The following NRG3 variants were observed in gnomAD, a reference collection of about 807,000 sequenced individuals.
NRG3 encodes pro-neuregulin-3, membrane-bound isoform.
In NRG3, 31 loss-of-function variants were observed where a neutral mutation model predicts 66.9. That is an observed-to-expected ratio of 0.46 (90% confidence interval 0.35 to 0.63). The LOEUF (loss-of-function observed/expected upper bound fraction) is 0.63. NRG3 is among the 20% of genes least tolerant of loss of function. The pLI is 0.00. For missense variants in NRG3, 910 were observed against 878.9 expected, an observed-to-expected ratio of 1.04 and a Z score of -0.45; for synonymous variants, 393 against 359.4, an observed-to-expected ratio of 1.09 and a Z score of -1.06.
chr10:82,184,389 A>G lies in NRG3; in HGVS notation c.824-174350A>G, dbSNP rs1193487581. 3.3e-5 allele frequency among the ~76,000 whole-genome samples: 5 copies of G among 152,252 alleles called. No individual in the cohort carries two copies. In the East Asian group the frequency reaches 9.7e-4, roughly 29 times the overall value. ...CAAATGGTGAGGCTAAGACCTTGAC[A>G]TGGAGGAAGGAGTCCATTTAAAAGG... On this transcript the variant is annotated intron_variant, in intron 1 of 8. Transcript: ENST00000372141.
intron 2 of NRG3, among the ~76,000 whole-genome samples, chr10:82,451,444 A>G (rs910451550): frequency 6.6e-5 from 10 of 152,184 alleles, no homozygotes; most frequent in Non-Finnish European, 1.5e-4. Flanking sequence ...GGGAGAATTC[A>G]TGTAGGTAAA....
intron 2 of NRG3, among the ~76,000 whole-genome samples, chr10:82,529,163 G>A (rs191125822): frequency 4.7e-4 from 71 of 152,320 alleles, no homozygotes; most frequent in Non-Finnish European, 7.5e-4. Flanking sequence ...TTGTAAGGTA[G>A]CAGGCAGATG....
chr10:82,637,365 GA>G (rs1346815497), intron 2 of NRG3, among the ~76,000 whole-genome samples: 13 of 152,076 alleles, frequency 8.5e-5, no homozygotes, highest in Non-Finnish European at 1.6e-4. Context: ...CAATGAATAA[GA>G]TAAATATTTG....
intron 2 of NRG3, among the ~76,000 whole-genome samples, chr10:82,387,542 C>G (rs1007895231): frequency 6.6e-5 from 10 of 152,304 alleles, no homozygotes; most frequent in South Asian, 2.1e-4. Flanking sequence ...CTGACCAAAT[C>G]TGAACATTTT....
chr10:82,127,114 C>T (rs2068496827), intron 1 of NRG3, among the ~76,000 whole-genome samples: 1 of 152,100 alleles, frequency 6.6e-6, no homozygotes, highest in Non-Finnish European at 1.5e-5. Context: ...ATCCATGGGC[C>T]ATGCGGCTTC....
At chr10:82,232,486 G>C (rs1434756771) in intron 1 of NRG3, 1 of 410,374 alleles carries the variant, frequency 2.4e-6, no homozygotes, top group African/African-American at 2.0e-5. Flanking sequence ...TTACAGTAGA[G>C]ATGGCTCTTC....
At position 82,015,332 on chromosome 10, in the gene NRG3, T is replaced by G. The variant is rs535201900; in HGVS notation, c.823+139169T>G. On this transcript the variant is annotated intron_variant, in intron 1 of 8. Transcript: ENST00000372141. Reference sequence around the variant, plus strand: ...TTTCTAGATTTTCCCACAAAGGATCTTAGTGAACTGATCATTCATACTTCA... The same window carrying G: ...TTTCTAGATTTTCCCACAAAGGATCGTAGTGAACTGATCATTCATACTTCA... Among the ~76,000 whole-genome samples, 6 of 152,312 alleles carry G rather than the reference T, an allele frequency of 3.9e-5. No individual in the cohort carries two copies. In the East Asian group the frequency reaches 1.2e-3, roughly 29 times the overall value.
chr10:82,601,912 A>G (rs2047661329), intron 2 of NRG3, among the ~76,000 whole-genome samples: 1 of 147,282 alleles, frequency 6.8e-6, no homozygotes, highest in Non-Finnish European at 1.5e-5. Flanking sequence ...AACTATATAT[A>G]TATAAAACTA....
At chr10:82,806,098 T>G (rs2061269708) in intron 3 of NRG3, among the ~76,000 whole-genome samples, 1 of 152,212 alleles carries the variant, frequency 6.6e-6, no homozygotes, top group African/African-American at 2.4e-5. Flanking sequence ...CCTAATCTAC[T>G]GCTAGAGAAG....
chr10:82,510,981 A>G (rs1845114920), intron 2 of NRG3, among the ~76,000 whole-genome samples: 1 of 152,250 alleles, frequency 6.6e-6, no homozygotes, highest in Admixed American at 6.5e-5. Context: ...GAGTGAATGG[A>G]TATAAGTAGG....
intron 2 of NRG3, among the ~76,000 whole-genome samples, chr10:82,675,209 G>A (rs954703338): frequency 6.6e-6 from 1 of 151,992 alleles, no homozygotes; most frequent in Non-Finnish European, 1.5e-5. Flanking sequence ...CGCCCACCTC[G>A]GCCTCCCAAA....
intron 1 of NRG3, among the ~76,000 whole-genome samples, chr10:82,040,958 A>G (rs1030935672): frequency 1.4e-4 from 21 of 152,080 alleles, no homozygotes; most frequent in African/African-American, 4.3e-4. Flanking sequence ...TTTGTTAGAA[A>G]ACTCAGTGTT....
At chr10:82,841,157 T>C (rs897224196) in intron 3 of NRG3, among the ~76,000 whole-genome samples, 1 of 152,104 alleles carries the variant, frequency 6.6e-6, no homozygotes, top group East Asian at 1.9e-4. Flanking sequence ...ACACAAAGGA[T>C]TGCTGCCAAT....
At position 82,733,612 on chromosome 10, in the gene NRG3, A is replaced by G. The variant is rs144841815; in HGVS notation, c.954-4965A>G. ...TTGGAGAGTGTGACAGTGAAGCAAC[A>G]ATAACACCTTTCATCAATGAGTAAA... On this transcript the variant is annotated intron_variant, in intron 2 of 8. Transcript: ENST00000372141. Among the ~76,000 whole-genome samples, 526 of 152,314 alleles carry G rather than the reference A, an allele frequency of 3.5e-3. 6 individuals carry two copies. The highest frequency in any genetic ancestry group is 3.7e-3 in the Admixed American group (56 of 15,300).
intron 3 of NRG3, among the ~76,000 whole-genome samples, chr10:82,815,408 A>C (rs1242276554): frequency 6.6e-6 from 1 of 152,158 alleles, no homozygotes; most frequent in Non-Finnish European, 1.5e-5. Context: ...TTCACTTAAA[A>C]GCTTACAACA....
At chr10:81,966,684 A>G (rs2059741739) in intron 1 of NRG3, among the ~76,000 whole-genome samples, 1 of 152,136 alleles carries the variant, frequency 6.6e-6, no homozygotes, top group Non-Finnish European at 1.5e-5. Flanking sequence ...GTCTACCTGT[A>G]CATCAGTGCA....
chr10:82,578,076 T>C (rs1340466024), intron 2 of NRG3, among the ~76,000 whole-genome samples: 1 of 151,304 alleles, frequency 6.6e-6, no homozygotes, highest in Admixed American at 6.6e-5. Context: ...CACAAACACA[T>C]GTTCATTACA....
chr10:82,592,869 T>TAAAA (rs2047061793), intron 2 of NRG3, among the ~76,000 whole-genome samples: 1 of 152,220 alleles, frequency 6.6e-6, no homozygotes, highest in Admixed American at 6.5e-5. Context: ...AAGTGTTCTG[T>TAAAA]GTTGTCCTCC....
Position 82,973,820 on chromosome 10 carries a change from A to T in NRG3, c.1317A>T (p.Ala439=), listed in dbSNP as rs1851995226. The T allele has an allele frequency of 6.2e-7, 1 of 1,613,952 alleles. No homozygotes were observed. Among genetic ancestry groups the T allele is most frequent in the Non-Finnish European group, 8.5e-7 (1 of 1,179,938 alleles). Residue 439 remains alanine (A), a synonymous_variant, in exon 7 of 9, where the codon GCA becomes GCT. Transcript: ENST00000372141. ...AGGTGGAAAGGCATCCTGTGACTGC[A>T]TTGGAGAAAATGATGGAGTCAAGTT... ...YSKVERHPVT[A]LEKMMESSFV...
Sources: gnomAD v4.1 joint callset for allele counts (sites outside exome capture counted in the v4.1 genomes callset) on GRCh38, gnomAD v4.1.1 for gene constraint, MANE v1.5 for transcripts, NCBI Gene and HGNC (gene_info 2026-07-23, HGNC 2026-07-21) for gene names.